Variants in SOX5 observed in about 807,000 individuals in gnomAD.
SOX5 encodes the protein transcription factor SOX-5.
Under a neutral mutation model 92.0 loss-of-function variants are expected in SOX5, and 9 were observed. The observed-to-expected ratio is 0.10, with a 90% CI of 0.06 to 0.17. The LOEUF is 0.17. Among genes scored for constraint, SOX5 ranks in the 10% least tolerant of loss-of-function variants. The pLI, the probability that SOX5 is intolerant of heterozygous loss-of-function variation, is 1.00. For synonymous variants in SOX5, 344 were observed against 336.3 expected, an observed-to-expected ratio of 1.02 and a Z score of -0.25; for missense variants, 642 against 944.5, an observed-to-expected ratio of 0.68 and a Z score of 4.20.
intron 4 of SOX5, among the ~76,000 whole-genome samples, chr12:24,186,033 C>G (rs1291468191): frequency 6.6e-6 from 1 of 152,062 alleles, no homozygotes; most frequent in African/African-American, 2.4e-5. Context: ...CCACAGGTTA[C>G]TGGGGCATAG....
At chr12:23,802,841 A>T (rs2095688374) in intron 3 of SOX5, among the ~76,000 whole-genome samples, 1 of 152,078 alleles carries the variant, frequency 6.6e-6, no homozygotes. Flanking sequence ...GTGTCCCTTT[A>T]TGTGTCCGTA....
rs183823209 is a variant in SOX5, at chr12:24,272,842, C to T, written c.-77+4374G>A. 5.5e-3 allele frequency among the ~76,000 whole-genome samples: 834 copies of T among 151,918 alleles called. 30 individuals are homozygous for T. The highest frequency in any genetic ancestry group is 0.049 in the Admixed American group (746 of 15,260). ...ATTGGCCTGTAAGTCCTTTTTCATA[C>T]TATTCTCATCAGCTTTGGTATGAAA... On this transcript the variant is annotated intron_variant, in intron 3 of 4. Transcript: ENST00000446891.
chr12:23,902,827 C>A (rs1449761586), intron 1 of SOX5, among the ~76,000 whole-genome samples: 2 of 152,092 alleles, frequency 1.3e-5, no homozygotes, highest in Non-Finnish European at 2.9e-5. Flanking sequence ...CCCAAATATT[C>A]TAATCCTCTA....
At chr12:24,560,000 G>A (rs780555408) in intron 1 of SOX5, among the ~76,000 whole-genome samples, 1 of 152,014 alleles carries the variant, frequency 6.6e-6, no homozygotes, top group Admixed American at 6.6e-5. Flanking sequence ...CAAGCTTTCC[G>A]TATTAAGAAT....
intron 2 of SOX5, among the ~76,000 whole-genome samples, chr12:24,353,199 T>C (rs1404733715): frequency 1.3e-5 from 2 of 152,180 alleles, no homozygotes; most frequent in Admixed American, 6.5e-5. Context: ...GGACGCTGTG[T>C]CAATGTGCTG....
chr12:23,983,916 C>A (rs760564251), intron 4 of SOX5, among the ~76,000 whole-genome samples: 1 of 152,028 alleles, frequency 6.6e-6, no homozygotes, highest in Non-Finnish European at 1.5e-5. Context: ...ATTAAAACAA[C>A]AAAATAAACC....
rs138149344 is a variant in SOX5 at position 24,059,585 on chromosome 12, G to A, written c.-2+153758C>T. 7.9e-5 allele frequency among the ~76,000 whole-genome samples: 12 copies of A among 151,994 alleles called. No homozygotes were observed. In the East Asian group the frequency reaches 2.1e-3, roughly 27 times the overall value. On this transcript the variant is annotated intron_variant, in intron 4 of 4. Coordinates refer to the SOX5 transcript ENST00000446891. ...AGCCCAGGAAGGACTCTTCTCAGCA[G>A]GTGTGTGTGTGTGATGGGGAATGGC...
At chr12:23,936,910 G>A (rs981492545) in intron 1 of SOX5, among the ~76,000 whole-genome samples, 1 of 150,826 alleles carries the variant, frequency 6.6e-6, no homozygotes, top group Non-Finnish European at 1.5e-5. Context: ...GCACATTTTG[G>A]CTCAGATTAG....
chr12:24,334,196 A>G (rs1951646825), intron 2 of SOX5, among the ~76,000 whole-genome samples: 1 of 151,978 alleles, frequency 6.6e-6, no homozygotes, highest in East Asian at 1.9e-4. Flanking sequence ...GATTAGTTAT[A>G]TTTTCTGAAT....
chr12:24,086,056 G>A (rs1301244398), intron 4 of SOX5, among the ~76,000 whole-genome samples: 1 of 151,650 alleles, frequency 6.6e-6, no homozygotes, highest in Non-Finnish European at 1.5e-5. Context: ...TGCCAAATCA[G>A]AAGTTTTCTT....
At chr12:24,417,270 T>C (rs1174557581) in intron 1 of SOX5, among the ~76,000 whole-genome samples, 1 of 152,212 alleles carries the variant, frequency 6.6e-6, no homozygotes, top group Non-Finnish European at 1.5e-5. Context: ...GTCCATTTCT[T>C]GGTTCTCCTA....
intron 7 of SOX5, among the ~76,000 whole-genome samples, chr12:23,643,352 G>T (rs142092606): frequency 2.0e-5 from 3 of 152,248 alleles, no homozygotes; most frequent in African/African-American, 7.2e-5. Flanking sequence ...GTGTTGTTGC[G>T]GGGAAGGAAC....
chr12:24,383,209 C>T (rs1392277054), intron 1 of SOX5, among the ~76,000 whole-genome samples: 5 of 152,278 alleles, frequency 3.3e-5, no homozygotes, highest in Middle Eastern at 3.4e-3. Context: ...TGAACCACCC[C>T]GCCTGGCCCA....
At chr12:24,194,454 T>C (rs918672350) in intron 4 of SOX5, among the ~76,000 whole-genome samples, 12 of 151,036 alleles carry the variant, frequency 7.9e-5, no homozygotes, top group Admixed American at 6.6e-4. Context: ...GGTAGGTAGG[T>C]AGAGAGATAT....
chr12:24,151,568 GTTTT>G (rs748289889), intron 4 of SOX5, among the ~76,000 whole-genome samples: 2 of 151,286 alleles, frequency 1.3e-5, no homozygotes, highest in Non-Finnish European at 3.0e-5. Context: ...AATGTGTGAG[GTTTT>G]TTTTTGTTTT....
intron 6 of SOX5, among the ~76,000 whole-genome samples, chr12:23,682,985 A>G (rs759182905): frequency 7.2e-5 from 11 of 152,002 alleles, no homozygotes; most frequent in Middle Eastern, 6.8e-3. Flanking sequence ...TATGTATCAT[A>G]AAGGCAAAAA....
chr12:24,301,341 A>G (rs1947923388), intron 2 of SOX5, among the ~76,000 whole-genome samples: 1 of 152,238 alleles, frequency 6.6e-6, no homozygotes, highest in Non-Finnish European at 1.5e-5. Context: ...TATTTATGGA[A>G]AGCATCAATC....
chr12:23,825,127 G>T (rs2096205160), intron 3 of SOX5, among the ~76,000 whole-genome samples: 1 of 152,084 alleles, frequency 6.6e-6, no homozygotes, highest in Non-Finnish European at 1.5e-5. Flanking sequence ...CATTCCAGGT[G>T]CCACTGGGGT....
At position 24,411,115 on chromosome 12, in the gene SOX5, T is replaced by C. The variant is rs147392933; in HGVS notation, c.-250-42476A>G. ...TTCAGCCATTCATTGCTAGTATTAA[T>C]ATATACAAATATAACTGACTTTCGT... On this transcript the variant is annotated intron_variant, in intron 1 of 4. Coordinates refer to the SOX5 transcript ENST00000446891. Among the ~76,000 whole-genome samples the C allele has an allele frequency of 4.5e-4, 69 of 152,322 alleles. 1 individual carries two copies. Among genetic ancestry groups the C allele is most frequent in the African/African-American group, 1.5e-3 (63 of 41,578 alleles).
Sources: gnomAD v4.1 joint callset for allele counts (sites outside exome capture counted in the v4.1 genomes callset) on GRCh38, gnomAD v4.1.1 for gene constraint, MANE v1.5 for transcripts, NCBI Gene and HGNC (gene_info 2026-07-23, HGNC 2026-07-21) for gene names.